Variants in ALDH2 observed in about 807,000 individuals in gnomAD.
The protein encoded by ALDH2 is aldehyde dehydrogenase, mitochondrial.
ALDH2 carries 44 observed loss-of-function variants against 59.6 expected under a neutral mutation model. The observed-to-expected ratio is 0.74, with a 90% CI of 0.58 to 0.95. ALDH2 has a LOEUF of 0.95. Ranked by LOEUF, ALDH2 falls within the 40% of genes least tolerant of loss-of-function variation. The pLI is 0.00. For synonymous variants in ALDH2, 291 were observed against 284.0 expected (o/e 1.02, Z -0.25); for missense variants, 570 against 696.3 (o/e 0.82, Z 2.04).
rs1233198938 is a variant in ALDH2 at position 111,815,019 on chromosome 12, G to A, written c.*5444G>A. 1 of 152,092 alleles carries A rather than the reference G, an allele frequency of 6.6e-6. No individual in the cohort carries two copies. Among genetic ancestry groups the A allele is most frequent in the Non-Finnish European group, 1.5e-5 (1 of 68,022 alleles). The allele number at this position is 152,092 out of a possible 1,614,324, so 9.4% of individuals were successfully genotyped here. A position where few individuals can be genotyped will look rare whatever the true frequency, so the allele number is the denominator to read the frequency against. On this transcript the variant is annotated 3_prime_UTR_variant, in exon 13 of 13. Coordinates refer to ENST00000261733, the MANE Select transcript of ALDH2 (RefSeq NM_000690.4). ...CTTATTCTGTGAAGGATAAAACAGA[G>A]CTGACATTTGTTCATTTGTATTGAT...
intron 4 of ALDH2, 113 bp downstream of exon 4, chr12:111,785,459 C>T: frequency 1.1e-6 from 1 of 900,442 alleles, no homozygotes; most frequent in Non-Finnish European, 1.8e-6. Flanking sequence ...CGCGGTATCT[C>T]ATGCCTATAA....
At chr12:111,770,893 C>T (rs1298547203) in intron 1 of ALDH2, among the ~76,000 whole-genome samples, 1 of 151,982 alleles carries the variant, frequency 6.6e-6, no homozygotes, top group African/African-American at 2.4e-5. Context: ...TCAGGTGATC[C>T]ACCTGCCCTG....
chr12:111,795,887 G>A (rs1308454638), intron 9 of ALDH2, among the ~76,000 whole-genome samples: 7 of 152,050 alleles, frequency 4.6e-5, no homozygotes, highest in East Asian at 1.9e-4. Flanking sequence ...CACTGCACCC[G>A]TCCTAACATT....
intron 1 of ALDH2, among the ~76,000 whole-genome samples, chr12:111,773,900 C>T (rs915515304): frequency 6.6e-6 from 1 of 152,102 alleles, no homozygotes; most frequent in Non-Finnish European, 1.5e-5. Flanking sequence ...CAGTTTTGTG[C>T]TCCAGAAGTG....
chr12:111,812,379 G>A lies in ALDH2; in HGVS notation c.*2804G>A, dbSNP rs2068542143. 1 of 152,016 alleles carries A rather than the reference G, an allele frequency of 6.6e-6. No homozygotes were observed. The highest frequency in any genetic ancestry group is 6.6e-5 in the Admixed American group (1 of 15,242). The allele number at this position is 152,016 out of a possible 1,614,324, so 9.4% of individuals were successfully genotyped here. On this transcript the variant is annotated 3_prime_UTR_variant, in exon 13 of 13. Coordinates refer to ENST00000261733, the MANE Select transcript of ALDH2 (RefSeq NM_000690.4). ...GAACAGCTCGTGCCCTCGGTCTCTT[G>A]CCTCAGCACCTGGATGGCTTGCCGC...
At chr12:111,801,374 T>C (rs1294253431) in intron 11 of ALDH2, among the ~76,000 whole-genome samples, 2 of 152,142 alleles carry the variant, frequency 1.3e-5, no homozygotes. Context: ...TGCAATAGCA[T>C]GGATTAATCT....
In ALDH2 at chr12:111,795,678, G is replaced by A. The variant is rs553533792; in HGVS notation, c.1084-2400G>A. ...ACGATCTCGGCTCACTGCAACCTCC[G>A]TCTCCCAGGTTTGAATGATTCTCCT... On this transcript the variant is annotated intron_variant, in intron 9 of 12. Transcript: ENST00000261733. Among the ~76,000 whole-genome samples the A allele has an allele frequency of 3.4e-3, 497 of 147,924 alleles. 1 individual carries two copies. Among genetic ancestry groups the A allele is most frequent in the Non-Finnish European group, 4.4e-3 (295 of 67,582 alleles).
At chr12:111,774,949 T>C (rs900048777) in intron 1 of ALDH2, among the ~76,000 whole-genome samples, 2 of 152,188 alleles carry the variant, frequency 1.3e-5, no homozygotes, top group Admixed American at 1.3e-4. Context: ...ATCTGCCCCA[T>C]GTTTGGAAAA....
chr12:111,792,626 C>G lies in ALDH2; in HGVS notation c.927C>G (p.Phe309Leu). 6.2e-7 allele frequency: 1 copy of G among 1,612,876 alleles called. No homozygotes were observed. Among genetic ancestry groups the G allele is most frequent in the South Asian group, 1.1e-5 (1 of 90,872 alleles). ...ATTGGGCCGTGGAACAGGCCCACTT[C>G]GCCCTGTTCTTCAACCAGGGCCAGT... ...DMDWAVEQAH[F>L]ALFFNQGQCC... Residue 309 changes from phenylalanine (F) to leucine (L), a missense_variant, in exon 9 of 13, where the codon TTC (phenylalanine) becomes TTG (leucine). Phe to Leu is a conservative substitution (Grantham distance 22). Transcript: ENST00000261733.
intron 1 of ALDH2, among the ~76,000 whole-genome samples, chr12:111,775,953 A>C (rs1420151643): frequency 1.3e-5 from 2 of 152,252 alleles, no homozygotes; most frequent in African/African-American, 2.4e-5. Flanking sequence ...GTCCTACAGC[A>C]GACCCAGGTT....
intron 1 of ALDH2, among the ~76,000 whole-genome samples, chr12:111,767,482 AG>A (rs1309283195): frequency 6.6e-6 from 1 of 152,102 alleles, no homozygotes; most frequent in African/African-American, 2.4e-5. Flanking sequence ...TCTTTTCCTT[AG>A]TCATCCCCTT....
chr12:111,767,842 G>GA (rs1454854347), intron 1 of ALDH2, among the ~76,000 whole-genome samples: 1 of 152,208 alleles, frequency 6.6e-6, no homozygotes, highest in Non-Finnish European at 1.5e-5. Flanking sequence ...AATTGGTTAT[G>GA]AAAGAGTTTG....
rs1448667753 is a variant in ALDH2, at chr12:111,813,182, C to T, written c.*3607C>T. The T allele has an allele frequency of 1.3e-5, 2 of 152,122 alleles. No homozygotes were observed. The highest frequency in any genetic ancestry group is 6.6e-5 in the Admixed American group (1 of 15,262). The allele number at this position is 152,122 out of a possible 1,614,324, so 9.4% of individuals were successfully genotyped here. ...GAACCACCTAATCTCCCTGGGTATT[C>T]GGATGTGGGTCAGTCACAGGAGTAT... On this transcript the variant is annotated 3_prime_UTR_variant, in exon 13 of 13. Coordinates refer to ENST00000261733, the MANE Select transcript of ALDH2 (RefSeq NM_000690.4).
At chr12:111,770,979 A>G (rs908623300) in intron 1 of ALDH2, among the ~76,000 whole-genome samples, 2 of 148,802 alleles carry the variant, frequency 1.3e-5, no homozygotes, top group Admixed American at 6.7e-5. Flanking sequence ...GGGTTTTGCC[A>G]TGTTGCCCAG....
At chr12:111,800,358 TA>T (rs962729624) in intron 11 of ALDH2, among the ~76,000 whole-genome samples, 3 of 152,212 alleles carry the variant, frequency 2.0e-5, no homozygotes, top group Non-Finnish European at 4.4e-5. Context: ...ACACTGATCC[TA>T]AAAGCTTAGC....
chr12:111,783,936 G>A lies in ALDH2; in HGVS notation c.360+638G>A, dbSNP rs913318729. 5.3e-5 allele frequency among the ~76,000 whole-genome samples: 8 copies of A among 152,124 alleles called. 1 individual carries two copies. The South Asian group carries it at 6.2e-4, about 12-fold the overall frequency. ...CTCTCCCTCGGCCCCTCCATGGTGGGCCTTCTCCCTGGCTGCAAGAGGAGA... is the reference window on the plus strand; with the variant it reads ...CTCTCCCTCGGCCCCTCCATGGTGGACCTTCTCCCTGGCTGCAAGAGGAGA... On this transcript the variant is annotated intron_variant, in intron 3 of 12. Transcript: ENST00000261733.
In ALDH2 at chr12:111,812,015, AG is replaced by A; in HGVS notation, c.*2442del. 1.3e-5 allele frequency: 2 copies of A among 155,208 alleles called. No individual in the cohort carries two copies. Among genetic ancestry groups the A allele is most frequent in the Admixed American group, 1.3e-4 (2 of 15,332 alleles). The allele number at this position is 155,208 out of a possible 1,614,324, so 9.6% of individuals were successfully genotyped here. A position where few individuals can be genotyped will look rare whatever the true frequency, so the allele number is the denominator to read the frequency against. On this transcript the variant is annotated 3_prime_UTR_variant, in exon 13 of 13. Coordinates refer to ENST00000261733, the MANE Select transcript of ALDH2 (RefSeq NM_000690.4). ...TGTGAGTCATCTCCAATGACAGGTA[AG>A]GTCACGTGGGTCACGTGTCCACTGG...
At chr12:111,804,748 A>G (rs2068481081) in intron 12 of ALDH2, among the ~76,000 whole-genome samples, 1 of 148,556 alleles carries the variant, frequency 6.7e-6, no homozygotes, top group Admixed American at 6.7e-5. Context: ...CTCCGTCTCA[A>G]AAAAAAAAAA....
At chr12:111,783,410 G>C in intron 3 of ALDH2, 112 bp downstream of exon 3, 1 of 1,346,528 alleles carries the variant, frequency 7.4e-7, no homozygotes, top group Non-Finnish European at 1.0e-6. Flanking sequence ...ACACACATCT[G>C]ACACGGGACT....
Sources: gnomAD v4.1 joint callset for allele counts (sites outside exome capture counted in the v4.1 genomes callset) on GRCh38, gnomAD v4.1.1 for gene constraint, MANE v1.5 for transcripts, NCBI Gene and HGNC (gene_info 2026-07-23, HGNC 2026-07-21) for gene names.